NSF: variants seen among roughly 807,000 people sequenced by gnomAD.
NSF encodes the protein vesicle-fusing ATPase.
A neutral mutation model predicts 50.3 loss-of-function variants in NSF; 14 were observed. The ratio of observed to expected loss-of-function variants is 0.28; its 90% CI spans 0.18 to 0.44. NSF has a LOEUF of 0.44. NSF is among the 20% of genes least tolerant of loss of function. The probability of loss-of-function intolerance (pLI) is 1.00; values close to 1 mark genes in which losing one functional copy is unlikely to be tolerated. For synonymous variants in NSF, 109 were observed against 175.7 expected, an observed-to-expected ratio of 0.62 and a Z score of 3.00; for missense variants, 218 against 504.3, an observed-to-expected ratio of 0.43 and a Z score of 5.44.
Position 46,749,843 on chromosome 17 carries a change from C to T in NSF, c.1979C>T (p.Ala660Val). The T allele has an allele frequency of 6.2e-7, 1 of 1,614,176 alleles. No individual in the cohort carries two copies. Among genetic ancestry groups the T allele is most frequent in the Non-Finnish European group, 8.5e-7 (1 of 1,180,010 alleles). ...DVLQEMEMLN[A>V]FSTTIHVPNI... ...CTTCAGGAGATGGAAATGCTTAACG[C>T]TTTCAGCACCACCATCCACGTGCCC... is the stretch of plus-strand genomic sequence containing the variant. Residue 660 changes from alanine to valine, a missense_variant, in exon 18 of 21, where the codon GCT becomes GTT. Ala to Val is a moderately conservative substitution (Grantham distance 64). Coordinates refer to ENST00000398238, the MANE Select transcript of NSF (RefSeq NM_006178.4).
At chr17:46,714,286 TA>T (rs1385609849) in intron 15 of NSF, among the ~76,000 whole-genome samples, 1 of 152,242 alleles carries the variant, frequency 6.6e-6, no homozygotes, top group African/African-American at 2.4e-5. Flanking sequence ...AGTGTTTGAA[TA>T]AAGTGGACAA....
chr17:46,610,576 T>C (rs2146119604), intron 1 of NSF, among the ~76,000 whole-genome samples: 1 of 22,756 alleles, frequency 4.4e-5, no homozygotes, highest in Non-Finnish European at 6.8e-5. Flanking sequence ...AGAAACATTT[T>C]GATTCATTTA....
At chr17:46,729,238 G>A (rs1358954046) in intron 17 of NSF, among the ~76,000 whole-genome samples, 2 of 152,076 alleles carry the variant, frequency 1.3e-5, no homozygotes, top group Non-Finnish European at 2.9e-5. Flanking sequence ...ACCTCCAACT[G>A]CCAAGGGAGA....
At chr17:46,708,490 CCTTT>C (rs1420304378) in intron 13 of NSF, among the ~76,000 whole-genome samples, 2 of 143,048 alleles carry the variant, frequency 1.4e-5, no homozygotes, top group African/African-American at 5.2e-5. Context: ...TGTTACATAT[CCTTT>C]TTTTTTTTTT....
At chr17:46,679,109 A>G (rs1568028816) in intron 9 of NSF, among the ~76,000 whole-genome samples, 1 of 152,096 alleles carries the variant, frequency 6.6e-6, no homozygotes, top group Admixed American at 6.5e-5. Context: ...GGGTGGTAAA[A>G]CTATAAAGGA....
At chr17:46,720,758 A>G (rs913607776) in intron 15 of NSF, among the ~76,000 whole-genome samples, 1 of 152,208 alleles carries the variant, frequency 6.6e-6, no homozygotes, top group African/African-American at 2.4e-5. Context: ...ACTTCACGCC[A>G]AGTACTTCAG....
At chr17:46,710,703 T>TA (rs1837895921) in intron 13 of NSF, among the ~76,000 whole-genome samples, 1 of 152,178 alleles carries the variant, frequency 6.6e-6, no homozygotes, top group Non-Finnish European at 1.5e-5. Context: ...TCTCAGGAAT[T>TA]ATGAGGGTTT....
intron 17 of NSF, among the ~76,000 whole-genome samples, chr17:46,733,092 G>A (rs781120865): frequency 1.3e-5 from 2 of 152,236 alleles, no homozygotes; most frequent in African/African-American, 2.4e-5. Context: ...CGGCTTAGCA[G>A]TGAGAGGCTT....
At chr17:46,625,877 A>AT (rs1245815951) in intron 2 of NSF, among the ~76,000 whole-genome samples, 8 of 99,190 alleles carry the variant, frequency 8.1e-5, no homozygotes, top group South Asian at 3.1e-4. Flanking sequence ...GACCACATGT[A>AT]TTAAAAAAAA....
In NSF at chr17:46,736,836, G is replaced by A. The variant is rs948908119; in HGVS notation, c.1908+7902G>A. Among the ~76,000 whole-genome samples the A allele has an allele frequency of 2.4e-4, 36 of 152,166 alleles. 1 individual carries two copies. Among genetic ancestry groups the A allele is most frequent in the Non-Finnish European group, 4.0e-4 (27 of 68,044 alleles). ...TCTGAAATATGCTGTGGGTTTTGGA[G>A]TAAAAGTGTGCAAGTGCCTCCTAAC... On this transcript the variant is annotated intron_variant, in intron 17 of 20. Coordinates refer to ENST00000398238, the MANE Select transcript of NSF (RefSeq NM_006178.4).
chr17:46,720,158 T>C (rs2058814524), intron 15 of NSF, among the ~76,000 whole-genome samples: 1 of 152,238 alleles, frequency 6.6e-6, no homozygotes, highest in Non-Finnish European at 1.5e-5. Context: ...TGGATGTTTT[T>C]GGTTAACATC....
At chr17:46,609,611 ATATT>A (rs1386194806) in intron 1 of NSF, among the ~76,000 whole-genome samples, 3 of 147,768 alleles carry the variant, frequency 2.0e-5, no homozygotes, top group Admixed American at 6.7e-5. Flanking sequence ...TATTATGTTT[ATATT>A]TATTAGTAAG....
chr17:46,726,613 T>G lies in NSF; in HGVS notation c.1826T>G (p.Leu609Arg). ...GTTGTGGATGACATTGAGAGATTGC[T>G]TGGTGAGTCCTAACTTCTGCTGTTG... ...CVVVDDIERLLDYVPIGPRFS... is the reference protein window; with the variant it reads ...CVVVDDIERLRDYVPIGPRFS... Residue 609 changes from leucine (L) to arginine (R), a missense_variant and splice_region_variant, in exon 16 of 21, where the codon CTT becomes CGT. Coordinates refer to ENST00000398238, the MANE Select transcript of NSF (RefSeq NM_006178.4). The G allele has an allele frequency of 6.2e-7, 1 of 1,613,622 alleles. No individual in the cohort carries two copies. The highest frequency in any genetic ancestry group is 8.5e-7 in the Non-Finnish European group (1 of 1,179,556).
In NSF at chr17:46,599,035, T is replaced by C. The variant is rs1464271031; in HGVS notation, c.12+8248T>C. 6.9e-5 allele frequency among the ~76,000 whole-genome samples: 6 copies of C among 86,496 alleles called. No individual in the cohort carries two copies. In the East Asian group the frequency reaches 1.5e-3, roughly 21 times the overall value. 56.7% of individuals were successfully genotyped at this position (86,496 alleles called of 152,430 possible). ...AAAGCATCATTAGATAGCTTCTTCT[T>C]TCTGAAACCCAGAGGAATTTATGTA... On this transcript the variant is annotated intron_variant, in intron 1 of 20. Transcript: ENST00000398238.
At chr17:46,752,803 C>G (rs2059194562) in intron 19 of NSF, among the ~76,000 whole-genome samples, 1 of 152,008 alleles carries the variant, frequency 6.6e-6, no homozygotes, top group Non-Finnish European at 1.5e-5. Flanking sequence ...GAGTCTCGCT[C>G]TGTTGCCCAG....
intron 15 of NSF, among the ~76,000 whole-genome samples, chr17:46,714,315 T>A (rs2058747425): frequency 6.6e-6 from 1 of 152,252 alleles, no homozygotes; most frequent in African/African-American, 2.4e-5. Flanking sequence ...TAGGATTTTT[T>A]AAAGTTCTTT....
intron 9 of NSF, among the ~76,000 whole-genome samples, chr17:46,678,874 T>C (rs1194334574): frequency 7.5e-6 from 1 of 132,804 alleles, no homozygotes; most frequent in East Asian, 2.2e-4. Context: ...TGAAAGAAAA[T>C]AACTGTCAAC....
intron 15 of NSF, among the ~76,000 whole-genome samples, chr17:46,724,438 ATAGCCAAGG>A (rs1253836250): frequency 6.6e-6 from 1 of 152,236 alleles, no homozygotes; most frequent in African/African-American, 2.4e-5. Context: ...TGATTCCATG[ATAGCCAAGG>A]CAGGGAAAGG....
At chr17:46,711,621 A>C (rs889015981) in intron 14 of NSF, among the ~76,000 whole-genome samples, 1 of 152,228 alleles carries the variant, frequency 6.6e-6, no homozygotes, top group African/African-American at 2.4e-5. Context: ...AGGCCTTGAA[A>C]GACCAGTTAG....
Sources: allele counts gnomAD v4.1 joint callset (sites outside exome capture counted in the v4.1 genomes callset), GRCh38; gene constraint gnomAD v4.1.1; transcripts MANE v1.5; gene names NCBI Gene and HGNC (gene_info 2026-07-23, HGNC 2026-07-21).